The following GYG2 variants were observed in gnomAD, a reference collection of about 807,000 sequenced individuals.
GYG2 encodes glycogenin 2, also known as glycogenin-2.
In GYG2, 29 loss-of-function variants were observed where a neutral mutation model predicts 29.4. The ratio of observed to expected loss-of-function variants is 0.99; its 90% CI spans 0.74 to 1.35. The LOEUF (loss-of-function observed/expected upper bound fraction) is 1.35, where lower values mean the gene tolerates loss of function less well. Ranked by LOEUF, GYG2 falls within the 40% of genes most tolerant of loss-of-function variation. The pLI, the probability that GYG2 is intolerant of heterozygous loss-of-function variation, is 0.00. For missense variants in GYG2, 370 were observed against 385.7 expected, an observed-to-expected ratio of 0.96 and a Z score of 0.34; for synonymous variants, 167 against 172.3, an observed-to-expected ratio of 0.97 and a Z score of 0.24.
Position 2,860,070 on chromosome X carries a change from G to A in GYG2, c.837+5G>A, listed in dbSNP as rs758001369. 59 of 1,100,919 alleles carry A rather than the reference G, an allele frequency of 5.4e-5. No individual in the cohort carries two copies. Among genetic ancestry groups the A allele is most frequent in the Non-Finnish European group, 6.8e-5 (55 of 806,551 alleles). 90.7% of individuals were successfully genotyped at this position (1,100,919 alleles called of 1,213,427 possible). A position where few individuals can be genotyped will look rare whatever the true frequency, so the allele number is the denominator to read the frequency against. On this transcript the variant is annotated splice_donor_5th_base_variant and intron_variant, in intron 7 of 10. Transcript: ENST00000398806. Reference sequence around the variant, plus strand: ...CGCGCGTCTCCTGGTCACACAGTAAGTGGGGGATTCCCTTAAAACCCGTAG... The same window carrying A: ...CGCGCGTCTCCTGGTCACACAGTAAATGGGGGATTCCCTTAAAACCCGTAG...
intron 2 of GYG2, among the ~76,000 whole-genome samples, chrX:2,837,537 G>A (rs2087400566): frequency 9.1e-6 from 1 of 110,298 alleles, no homozygotes; most frequent in African/African-American, 3.3e-5. Context: ...AGCTCAGGAG[G>A]AAATCTCAAA....
chrX:2,848,190 G>T (rs1161215713), intron 3 of GYG2, among the ~76,000 whole-genome samples: 1 of 111,545 alleles, frequency 9.0e-6, no homozygotes, highest in African/African-American at 3.3e-5. Flanking sequence ...GCACGGGCTC[G>T]TCTCTAGCAC....
At chrX:2,864,462 G>T (rs914120387) in intron 8 of GYG2, among the ~76,000 whole-genome samples, 4 of 109,806 alleles carry the variant, frequency 3.6e-5, no homozygotes, top group African/African-American at 6.6e-5. Context: ...GTGAGCAGAG[G>T]GGGGACTGAA....
chrX:2,867,865 G>C (rs2088335290), intron 8 of GYG2, among the ~76,000 whole-genome samples: 1 of 112,102 alleles, frequency 8.9e-6, no homozygotes, highest in African/African-American at 3.2e-5. Flanking sequence ...GAGGCCAAGT[G>C]TTGGCAGATC....
chrX:2,877,930 C>G, intron 10 of GYG2: 1 of 746,692 alleles, frequency 1.3e-6, no homozygotes, highest in Middle Eastern at 7.5e-4. Context: ...GTATTGAACG[C>G]ATGTTTAGAG....
chrX:2,851,853 GT>G (rs2087879800), intron 3 of GYG2, among the ~76,000 whole-genome samples: 3 of 112,261 alleles, frequency 2.7e-5, no homozygotes, highest in African/African-American at 9.7e-5. Context: ...TTACTATAGT[GT>G]TTGCCTAATC....
Position 2,844,554 on chromosome X carries a change from A to G in GYG2, c.149+1200A>G, listed in dbSNP as rs200587507. Among the ~76,000 whole-genome samples, 239 of 60,083 alleles carry G rather than the reference A, an allele frequency of 4.0e-3. 33 individuals carry two copies. The highest frequency in any genetic ancestry group is 0.018 in the Admixed American group (94 of 5,217). The allele number at this position is 60,083 out of a possible 115,157, so 52.2% of individuals were successfully genotyped here. ...CGTATATATGTGTATACGCACACGC[A>G]TGCGTATATGTGTATACGCACACGC... is the stretch of plus-strand genomic sequence containing the variant. On this transcript the variant is annotated intron_variant, in intron 3 of 10. Transcript: ENST00000398806.
chrX:2,837,585 T>C (rs2087401805), intron 2 of GYG2, among the ~76,000 whole-genome samples: 1 of 110,702 alleles, frequency 9.0e-6, no homozygotes, highest in African/African-American at 3.3e-5. Flanking sequence ...ACCTTTGTCA[T>C]TGTAGTTCCT....
intron 6 of GYG2, among the ~76,000 whole-genome samples, chrX:2,859,571 TTATA>T (rs1367586456): frequency 1.8e-5 from 2 of 110,986 alleles, no homozygotes; most frequent in Non-Finnish European, 3.8e-5. Context: ...TTATTATTGA[TTATA>T]TATTGATGAC....
intron 8 of GYG2, 56 bp from the exon 9 acceptor site, chrX:2,875,752 TTG>T: frequency 1.3e-6 from 1 of 742,386 alleles, no homozygotes; most frequent in Non-Finnish European, 2.1e-6. Context: ...TTCAATTAAG[TTG>T]CATTTATTTG....
At chrX:2,868,870 T>C (rs920773588) in intron 8 of GYG2, among the ~76,000 whole-genome samples, 1 of 111,564 alleles carries the variant, frequency 9.0e-6, no homozygotes, top group African/African-American at 3.3e-5. Flanking sequence ...TAACAAAAGG[T>C]ATGTTGATTG....
chrX:2,859,382 A>G (rs1257705404), intron 6 of GYG2, among the ~76,000 whole-genome samples: 9 of 111,183 alleles, frequency 8.1e-5, no homozygotes, highest in Non-Finnish European at 1.5e-4. Context: ...TGCTAGTAGT[A>G]GTATATTGTT....
chrX:2,831,249 A>G (rs2087257319), intron 2 of GYG2, among the ~76,000 whole-genome samples: 1 of 112,532 alleles, frequency 8.9e-6, no homozygotes, highest in Non-Finnish European at 1.9e-5. Context: ...TAAATTTTGT[A>G]GAGACAGGGT....
intron 7 of GYG2, among the ~76,000 whole-genome samples, chrX:2,861,132 A>G (rs2088154459): frequency 9.1e-6 from 1 of 110,492 alleles, no homozygotes; most frequent in Non-Finnish European, 1.9e-5. Flanking sequence ...AATTTTTAGT[A>G]TGGTTTTTTA....
At chrX:2,853,859 G>A in intron 3 of GYG2, 121 bp from the exon 4 acceptor site, 1 of 508,696 alleles carries the variant, frequency 2.0e-6, no homozygotes, top group Non-Finnish European at 3.5e-6. Context: ...AGTGAGGGCT[G>A]TGGGGATTCT....
At position 2,881,240 on chromosome X, in the gene GYG2, A is replaced by C. The variant is rs755268697; in HGVS notation, c.*27A>C. On this transcript the variant is annotated 3_prime_UTR_variant, in exon 11 of 11. Coordinates refer to ENST00000398806, the MANE Select transcript of GYG2 (RefSeq NM_001079855.2). Reference sequence around the variant, plus strand: ...CCGGCAGCTGGTGGGCGTTGTGTGTAGTTAGACAATGTCCTGTTGGGTGGT... The same window carrying C: ...CCGGCAGCTGGTGGGCGTTGTGTGTCGTTAGACAATGTCCTGTTGGGTGGT... 1 of 1,133,799 alleles carries C rather than the reference A, an allele frequency of 8.8e-7. No individual in the cohort carries two copies. The highest frequency in any genetic ancestry group is 1.8e-5 in the African/African-American group (1 of 56,233). 93.4% of individuals were successfully genotyped at this position (1,133,799 alleles called of 1,213,427 possible). A position where few individuals can be genotyped will look rare whatever the true frequency, so the allele number is the denominator to read the frequency against.
chrX:2,867,751 A>C (rs958216237), intron 8 of GYG2, among the ~76,000 whole-genome samples: 1 of 112,233 alleles, frequency 8.9e-6, no homozygotes, highest in African/African-American at 3.2e-5. Flanking sequence ...TCGATTTACA[A>C]TTGGTTTACA....
intron 8 of GYG2, among the ~76,000 whole-genome samples, chrX:2,863,033 C>T (rs963504077): frequency 1.5e-4 from 16 of 108,594 alleles, no homozygotes; most frequent in African/African-American, 5.4e-4. Context: ...GCACTCCCGC[C>T]TGGGTGACAG....
Position 2,861,621 on chromosome X carries a change from A to G in GYG2, c.937A>G (p.Asn313Asp). 1 of 1,207,344 alleles carries G rather than the reference A, an allele frequency of 8.3e-7. No homozygotes were observed. The highest frequency in any genetic ancestry group is 1.1e-6 in the Non-Finnish European group (1 of 892,401). The change falls in exon 8 of 11, where the codon AAT becomes GAT. Residue 313 changes from asparagine (N) to aspartate (D), a missense_variant. By Grantham distance (23) the Asn-to-Asp change is conservative (BLOSUM62 1). Transcript: ENST00000398806. ...ACCCAGTGCGGGCGTGCCGTGTGCA[A>G]ATTCACCACTGGGTTCTAACCAGCC... ...STPSAGVPCANSPLGSNQPAQ... is the reference protein window; with the variant it reads ...STPSAGVPCADSPLGSNQPAQ...
Sources: gnomAD v4.1 joint callset for allele counts (sites outside exome capture counted in the v4.1 genomes callset) on GRCh38, gnomAD v4.1.1 for gene constraint, MANE v1.5 for transcripts, NCBI Gene and HGNC (gene_info 2026-07-23, HGNC 2026-07-21) for gene names.